RARB: variants seen among roughly 807,000 people sequenced by gnomAD.
RARB encodes the protein HBV-activated protein.
RARB carries 17 observed loss-of-function variants against 51.9 expected under a neutral mutation model. The ratio of observed to expected loss-of-function variants is 0.33; its 90% CI spans 0.22 to 0.49. The LOEUF (loss-of-function observed/expected upper bound fraction) is 0.49, where lower values mean the gene tolerates loss of function less well. Ranked by LOEUF, RARB falls within the 20% of genes least tolerant of loss-of-function variation. The pLI is 0.99. For synonymous variants in RARB, 215 were observed against 195.4 expected (o/e 1.10, Z -0.84); for missense variants, 369 against 550.8 (o/e 0.67, Z 3.30).
chr3:24,942,765 G>A (rs1202504621), intron 2 of RARB, among the ~76,000 whole-genome samples: 1 of 152,124 alleles, frequency 6.6e-6, no homozygotes. Context: ...GGCATTGATA[G>A]AGAAAGAACT....
chr3:25,178,761 G>A (rs1700805728), intron 5 of RARB, among the ~76,000 whole-genome samples: 1 of 152,158 alleles, frequency 6.6e-6, no homozygotes, highest in African/African-American at 2.4e-5. Context: ...CCGCCGTACT[G>A]CCTTTGATAA....
chr3:25,221,970 A>G (rs1372589140), intron 5 of RARB, among the ~76,000 whole-genome samples: 2 of 152,192 alleles, frequency 1.3e-5, no homozygotes, highest in African/African-American at 4.8e-5. Context: ...GTATCCTGTA[A>G]TTAAGCAGAA....
At chr3:25,367,652 T>TTA (rs1407837893) in intron 5 of RARB, among the ~76,000 whole-genome samples, 1 of 139,282 alleles carries the variant, frequency 7.2e-6, no homozygotes, top group African/African-American at 2.7e-5. Flanking sequence ...CCCATCTCTA[T>TTA]AAAAAAAAAA....
At chr3:25,329,220 G>A (rs936531531) in intron 5 of RARB, among the ~76,000 whole-genome samples, 3 of 152,226 alleles carry the variant, frequency 2.0e-5, no homozygotes, top group Non-Finnish European at 4.4e-5. Context: ...TGGACAGACT[G>A]CCTCCTCAAG....
chr3:25,200,901 C>G (rs1422408497), intron 5 of RARB, among the ~76,000 whole-genome samples: 1 of 152,138 alleles, frequency 6.6e-6, no homozygotes, highest in African/African-American at 2.4e-5. Flanking sequence ...GTTCTTTTGG[C>G]TTAGGATTGA....
intron 5 of RARB, among the ~76,000 whole-genome samples, chr3:25,397,663 C>T (rs6799176): frequency 1.3e-5 from 2 of 152,012 alleles, no homozygotes; most frequent in African/African-American, 4.8e-5. Context: ...TTGAGTATCC[C>T]TTCTGTTCCA....
At chr3:25,573,021 G>A (rs751009139) in intron 4 of RARB, among the ~76,000 whole-genome samples, 17 of 152,142 alleles carry the variant, frequency 1.1e-4, no homozygotes, top group Admixed American at 3.9e-4. Context: ...TCCTGCGAGC[G>A]GTCCCTCACC....
chr3:25,547,011 G>C lies in RARB; in HGVS notation c.449-22747G>C, dbSNP rs1205101082. 2.0e-5 allele frequency among the ~76,000 whole-genome samples: 3 copies of C among 152,172 alleles called. No homozygotes were observed. In the East Asian group the frequency reaches 5.8e-4, roughly 29 times the overall value. On this transcript the variant is annotated intron_variant, in intron 3 of 7. Coordinates refer to ENST00000330688, the MANE Select transcript of RARB (RefSeq NM_000965.5). ...GGATGGGGCTTACAGGTGCAGCCTT[G>C]ATGGGCTTCCTAAAATTTCACCCCC...
chr3:25,589,792 G>A (rs570831432), intron 5 of RARB, among the ~76,000 whole-genome samples: 10 of 152,244 alleles, frequency 6.6e-5, no homozygotes, highest in Non-Finnish European at 1.0e-4. Flanking sequence ...GCCCTGCTTT[G>A]GTTGGTGAGA....
At chr3:24,856,175 G>A (rs992957250) in intron 1 of RARB, among the ~76,000 whole-genome samples, 1 of 152,088 alleles carries the variant, frequency 6.6e-6, no homozygotes. Context: ...TGCCCTAGCA[G>A]TGGAATTTTG....
In RARB at chr3:25,594,829, TC is replaced by T. The variant is rs201821117; in HGVS notation, c.1150+157del. On this transcript the variant is annotated intron_variant, in intron 7 of 7. Transcript: ENST00000330688. ...TGAAATCAAAAGGAAATACTATCCC[TC>T]CCCCCTCTAAAAAAAAAAAAAAAAC... 14 of 479,568 alleles carry T rather than the reference TC, an allele frequency of 2.9e-5. No homozygotes were observed. In the East Asian group the frequency reaches 5.4e-4, roughly 18 times the overall value. The allele number at this position is 479,568 out of a possible 1,614,324, so 29.7% of individuals were successfully genotyped here.
intron 2 of RARB, among the ~76,000 whole-genome samples, chr3:25,499,181 C>G (rs1697178802): frequency 6.6e-6 from 1 of 152,170 alleles, no homozygotes; most frequent in African/African-American, 2.4e-5. Context: ...GCATTCTTTG[C>G]TAATGTGCTT....
chr3:25,077,763 C>A (rs1232819539), intron 3 of RARB, among the ~76,000 whole-genome samples: 1 of 152,040 alleles, frequency 6.6e-6, no homozygotes, highest in African/African-American at 2.4e-5. Context: ...TAAGAACTGT[C>A]TAACCTTTTT....
chr3:24,968,555 C>T (rs9880826), intron 2 of RARB, among the ~76,000 whole-genome samples: 75,074 of 151,818 alleles, frequency 0.49, 19,045 homozygotes, highest in Admixed American at 0.6. Context: ...TTTCTGTGGA[C>T]ATTTGACAGG....
In RARB at chr3:25,103,971, A is replaced by G. The variant is rs566179497; in HGVS notation, c.-327-28190A>G. 1.4e-4 allele frequency among the ~76,000 whole-genome samples: 21 copies of G among 152,290 alleles called. No homozygotes were observed. The South Asian group carries it at 3.9e-3, about 29-fold the overall frequency. On this transcript the variant is annotated intron_variant, in intron 3 of 11. Transcript: ENST00000383772. ...AAGCTGAATCCAGATTAGGTGCCCA[A>G]TTAGCCGCATATTGTGAAAGTGTGG...
At chr3:25,574,359 A>G (rs755212035) in intron 4 of RARB, among the ~76,000 whole-genome samples, 3 of 152,200 alleles carry the variant, frequency 2.0e-5, no homozygotes. Flanking sequence ...TCCATGAGAA[A>G]AATATATGGA....
chr3:25,299,176 TG>T (rs1444373882), intron 5 of RARB, among the ~76,000 whole-genome samples: 1 of 152,122 alleles, frequency 6.6e-6, no homozygotes. Flanking sequence ...TGGAGAATGG[TG>T]GTTGACCTCT....
intron 1 of RARB, among the ~76,000 whole-genome samples, chr3:24,857,932 G>A (rs904196724): frequency 2.6e-5 from 4 of 152,000 alleles, no homozygotes; most frequent in Non-Finnish European, 5.9e-5. Context: ...CTGTCTCCCC[G>A]CCCCTCAACC....
intron 2 of RARB, among the ~76,000 whole-genome samples, chr3:24,886,787 TA>T (rs979955166): frequency 1.3e-5 from 2 of 152,152 alleles, no homozygotes; most frequent in Non-Finnish European, 1.5e-5. Flanking sequence ...ATAGAAAAGC[TA>T]ATGATATCTG....
Sources: gnomAD v4.1 joint callset for allele counts (sites outside exome capture counted in the v4.1 genomes callset) on GRCh38, gnomAD v4.1.1 for gene constraint, MANE v1.5 for transcripts, NCBI Gene and HGNC (gene_info 2026-07-23, HGNC 2026-07-21) for gene names.